CDC42EP3: variants seen among roughly 807,000 people sequenced by gnomAD.
The protein encoded by CDC42EP3 is CDC42 effector protein (Rho GTPase binding) 3.
Under a neutral mutation model 15.5 loss-of-function variants are expected in CDC42EP3, and 4 were observed. The observed-to-expected ratio is 0.26, with a 90% CI of 0.13 to 0.59. The LOEUF is 0.59. Ranked by LOEUF, CDC42EP3 falls within the 20% of genes least tolerant of loss-of-function variation. CDC42EP3 has a pLI of 0.89. For missense variants in CDC42EP3, 309 were observed against 311.2 expected, an observed-to-expected ratio of 0.99 and a Z score of 0.05; for synonymous variants, 145 against 130.3, an observed-to-expected ratio of 1.11 and a Z score of -0.77.
chr2:37,665,786 G>GA (rs1343022086), intron 1 of CDC42EP3, among the ~76,000 whole-genome samples: 1 of 152,126 alleles, frequency 6.6e-6, no homozygotes, highest in African/African-American at 2.4e-5. Flanking sequence ...ATCTGCACGG[G>GA]TCTGTTTTTC....
chr2:37,666,056 TTTTATCAG>T (rs1162029384), intron 1 of CDC42EP3, among the ~76,000 whole-genome samples: 1 of 152,200 alleles, frequency 6.6e-6, no homozygotes, highest in Non-Finnish European at 1.5e-5. Context: ...TCTCCATTAG[TTTTATCAG>T]CGTTTGCCAG....
chr2:37,658,016 A>G (rs1665934617), intron 1 of CDC42EP3, among the ~76,000 whole-genome samples: 1 of 152,186 alleles, frequency 6.6e-6, no homozygotes, highest in Admixed American at 6.5e-5. Flanking sequence ...CAAAGCCCAA[A>G]GTATTAACTG....
At chr2:37,657,059 T>C (rs13392929) in intron 1 of CDC42EP3, among the ~76,000 whole-genome samples, 184 of 134,556 alleles carry the variant, frequency 1.4e-3, no homozygotes, top group African/African-American at 4.9e-3. Flanking sequence ...TGTTAAGTGC[T>C]GTTCATTCTT....
intron 1 of CDC42EP3, among the ~76,000 whole-genome samples, chr2:37,658,966 T>TAA (rs1665967880): frequency 6.6e-6 from 1 of 152,172 alleles, no homozygotes; most frequent in African/African-American, 2.4e-5. Flanking sequence ...GGAGATAAGA[T>TAA]AAAATAGCTT....
rs1420417789 is a variant in CDC42EP3 at position 37,642,848 on chromosome 2, G to T, written c.*2975C>A. On this transcript the variant is annotated 3_prime_UTR_variant, in exon 2 of 2. Transcript: ENST00000295324. ...GGTTTCTCTTTGCTGTTCAACCAGT[G>T]TAGTCTTTTGTGTGTGCTGTTAACA... 1 of 152,198 alleles carries T rather than the reference G, an allele frequency of 6.6e-6. No homozygotes were observed. The highest frequency in any genetic ancestry group is 6.5e-5 in the Admixed American group (1 of 15,284). The allele number at this position is 152,198 out of a possible 1,614,324, so 9.4% of individuals were successfully genotyped here. A position where few individuals can be genotyped will look rare whatever the true frequency, so the allele number is the denominator to read the frequency against.
chr2:37,670,388 A>C (rs954034830), intron 1 of CDC42EP3, among the ~76,000 whole-genome samples: 3 of 151,868 alleles, frequency 2.0e-5, no homozygotes, highest in Non-Finnish European at 2.9e-5. Context: ...CTACAACCTC[A>C]GCACACAGCA....
chr2:37,660,396 G>C (rs1349009318), intron 1 of CDC42EP3, among the ~76,000 whole-genome samples: 3 of 152,170 alleles, frequency 2.0e-5, no homozygotes, highest in Non-Finnish European at 2.9e-5. Flanking sequence ...ACATGCATCG[G>C]TTATCTTCAG....
chr2:37,653,476 G>A (rs12469780), intron 1 of CDC42EP3, among the ~76,000 whole-genome samples: 13,743 of 152,222 alleles, frequency 0.09, 1,333 homozygotes, highest in East Asian at 0.46. Flanking sequence ...GAAAAAAACT[G>A]AAGCGGTGCT....
chr2:37,650,591 C>T (rs769790282), intron 1 of CDC42EP3, among the ~76,000 whole-genome samples: 68 of 152,184 alleles, frequency 4.5e-4, no homozygotes, highest in Non-Finnish European at 9.3e-4. Context: ...TCACTACTGA[C>T]GAACTGATAT....
chr2:37,650,855 G>C (rs1172330631), intron 1 of CDC42EP3, among the ~76,000 whole-genome samples: 1 of 152,208 alleles, frequency 6.6e-6, no homozygotes, highest in Non-Finnish European at 1.5e-5. Context: ...ACTCAGTAGA[G>C]GCAGTGGGGC....
chr2:37,668,470 G>T (rs1303739701), intron 1 of CDC42EP3, among the ~76,000 whole-genome samples: 1 of 152,186 alleles, frequency 6.6e-6, no homozygotes, highest in Non-Finnish European at 1.5e-5. Context: ...TAAAGGTGAG[G>T]TAACTTGCCC....
In CDC42EP3 at chr2:37,671,413, T is replaced by G. The variant is rs1666414972; in HGVS notation, c.-236+13A>C. ...AGGTAGAGAGGAAGGAGCCCTGGGC[T>G]GCCCCGACTCACCGGCCGCCGCTGA... On this transcript the variant is annotated intron_variant, in intron 1 of 1. Transcript: ENST00000295324. 1 of 152,600 alleles carries G rather than the reference T, an allele frequency of 6.6e-6. No homozygotes were observed. The highest frequency in any genetic ancestry group is 2.4e-5 in the African/African-American group (1 of 41,448). The allele number at this position is 152,600 out of a possible 1,614,324, so 9.5% of individuals were successfully genotyped here. A position where few individuals can be genotyped will look rare whatever the true frequency, so the allele number is the denominator to read the frequency against.
At chr2:37,668,214 C>T (rs1179045621) in intron 1 of CDC42EP3, among the ~76,000 whole-genome samples, 1 of 152,136 alleles carries the variant, frequency 6.6e-6, no homozygotes, top group Non-Finnish European at 1.5e-5. Flanking sequence ...GTAACTGAAA[C>T]CCTGGAAAAG....
intron 1 of CDC42EP3, among the ~76,000 whole-genome samples, chr2:37,658,276 T>C (rs1283317326): frequency 6.6e-6 from 1 of 152,304 alleles, no homozygotes; most frequent in Non-Finnish European, 1.5e-5. Context: ...CTTTTTGACA[T>C]TGCCTTAACA....
chr2:37,669,243 AAAAAAAAAAAAT>A (rs1443147197), intron 1 of CDC42EP3, among the ~76,000 whole-genome samples: 1 of 148,820 alleles, frequency 6.7e-6, no homozygotes, highest in Non-Finnish European at 1.5e-5. Flanking sequence ...TAAAAAAAAA[AAAAAAAAAAAAT>A]CTTTGGGTGA....
intron 1 of CDC42EP3, among the ~76,000 whole-genome samples, chr2:37,670,324 G>A (rs1481925718): frequency 6.6e-6 from 1 of 152,026 alleles, no homozygotes; most frequent in Non-Finnish European, 1.5e-5. Flanking sequence ...TGGGAGATGG[G>A]GATGGAATCT....
rs546294410 is a variant in CDC42EP3 at position 37,655,123 on chromosome 2, T to C, written c.-235-8301A>G. ...CCCCATATCATCTAAACTGAGGACATAGCTCTAAGCTTCAAGACTATGAAA... is the reference window on the plus strand; with the variant it reads ...CCCCATATCATCTAAACTGAGGACACAGCTCTAAGCTTCAAGACTATGAAA... On this transcript the variant is annotated intron_variant, in intron 1 of 1. Transcript: ENST00000295324. Among the ~76,000 whole-genome samples, 10 of 152,350 alleles carry C rather than the reference T, an allele frequency of 6.6e-5. No homozygotes were observed. In the East Asian group the frequency reaches 7.7e-4, roughly 12 times the overall value.
At chr2:37,670,435 A>T (rs191371631) in intron 1 of CDC42EP3, among the ~76,000 whole-genome samples, 1 of 150,754 alleles carries the variant, frequency 6.6e-6, no homozygotes, top group Admixed American at 6.6e-5. Flanking sequence ...GGCTGGAAAG[A>T]TTCATGTTGC....
chr2:37,662,312 C>G (rs1666081577), intron 1 of CDC42EP3, among the ~76,000 whole-genome samples: 1 of 152,044 alleles, frequency 6.6e-6, no homozygotes, highest in Non-Finnish European at 1.5e-5. Flanking sequence ...AAGTGCTTGG[C>G]AAAGCACCTG....
Sources: gnomAD v4.1 joint callset for allele counts (sites outside exome capture counted in the v4.1 genomes callset) on GRCh38, gnomAD v4.1.1 for gene constraint, MANE v1.5 for transcripts, NCBI Gene and HGNC (gene_info 2026-07-23, HGNC 2026-07-21) for gene names.